The following SDCBP variants were observed in gnomAD, a reference collection of about 807,000 sequenced individuals.
The protein encoded by SDCBP is syndecan binding protein.
A neutral mutation model predicts 30.5 loss-of-function variants in SDCBP; 22 were observed. The observed-to-expected ratio is 0.72, with a 90% CI of 0.52 to 1.03. The LOEUF is 1.03. Among genes scored for constraint, SDCBP ranks in the 50% least tolerant of loss-of-function variants. SDCBP has a pLI of 0.00. For missense variants in SDCBP, 304 were observed against 369.9 expected, an observed-to-expected ratio of 0.82 and a Z score of 1.46; for synonymous variants, 103 against 118.7, an observed-to-expected ratio of 0.87 and a Z score of 0.86.
At chr8:58,568,964 A>G (rs2129607863) in intron 2 of SDCBP, among the ~76,000 whole-genome samples, 1 of 151,972 alleles carries the variant, frequency 6.6e-6, no homozygotes, top group Non-Finnish European at 1.5e-5. Flanking sequence ...GGTTCACTGC[A>G]GCGTCCATCC....
intron 1 of SDCBP, among the ~76,000 whole-genome samples, chr8:58,562,077 A>G (rs1432052263): frequency 6.6e-6 from 1 of 151,956 alleles, no homozygotes; most frequent in Non-Finnish European, 1.5e-5. Flanking sequence ...TATCTATTAA[A>G]AAAAAAAACA....
At position 58,576,090 on chromosome 8, in the gene SDCBP, T is replaced by C. The variant is rs749085308; in HGVS notation, c.402+29T>C. ...AGTATTTTAAATACCTATTTGAATT[T>C]GTCTAAATCTCTTACATAATAAGTG... On this transcript the variant is annotated intron_variant, in intron 5 of 8. Transcript: ENST00000260130. 4.7e-6 allele frequency: 7 copies of C among 1,504,082 alleles called. No homozygotes were observed. In the East Asian group the frequency reaches 1.4e-4, roughly 29 times the overall value. 93.2% of individuals were successfully genotyped at this position (1,504,082 alleles called of 1,614,324 possible).
At chr8:58,557,187 GTAT>G (rs1804175636) in intron 1 of SDCBP, among the ~76,000 whole-genome samples, 2 of 123,146 alleles carry the variant, frequency 1.6e-5, no homozygotes, top group South Asian at 4.7e-4. Context: ...ATATAATATA[GTAT>G]TATTATATAT....
chr8:58,578,809 C>T (rs767730978), intron 6 of SDCBP, among the ~76,000 whole-genome samples: 5 of 152,174 alleles, frequency 3.3e-5, no homozygotes, highest in African/African-American at 4.8e-5. Context: ...CTCAGTGAAA[C>T]TTCTGTTTTA....
chr8:58,570,982 A>G lies in SDCBP; in HGVS notation c.130+17A>G, dbSNP rs746050224. On this transcript the variant is annotated intron_variant, in intron 3 of 8. Transcript: ENST00000260130. ...ACGATGGAAGTAGGTTTATACTTTG[A>G]GTTCATTCTCTGTGAACAGAAATAT... The G allele has an allele frequency of 7.7e-6, 12 of 1,560,022 alleles. No individual in the cohort carries two copies. Among genetic ancestry groups the G allele is most frequent in the Non-Finnish European group, 1.1e-5 (12 of 1,132,272 alleles).
chr8:58,570,685 A>G, intron 2 of SDCBP: 1 of 480,950 alleles, frequency 2.1e-6, no homozygotes, highest in Non-Finnish European at 3.7e-6. Context: ...TAGCCTTAAA[A>G]GTATTTAGAA....
intron 1 of SDCBP, among the ~76,000 whole-genome samples, chr8:58,564,512 G>C (rs2129607617): frequency 6.6e-6 from 1 of 152,274 alleles, no homozygotes; most frequent in East Asian, 1.9e-4. Flanking sequence ...GTTAGCAGTT[G>C]ATATAGTTTC....
chr8:58,576,362 A>G (rs1005064359), intron 5 of SDCBP: 4 of 190,112 alleles, frequency 2.1e-5, no homozygotes, highest in Non-Finnish European at 4.4e-5. Flanking sequence ...AATTAAATAG[A>G]GCAGATGTGA....
chr8:58,562,247 T>TA (rs1804479298), intron 1 of SDCBP, among the ~76,000 whole-genome samples: 1 of 152,046 alleles, frequency 6.6e-6, no homozygotes, highest in Non-Finnish European at 1.5e-5. Context: ...ATGAATGGAT[T>TA]AAAAAAATAA....
chr8:58,563,335 C>T lies in SDCBP; in HGVS notation c.-15-1684C>T, dbSNP rs537456272. On this transcript the variant is annotated intron_variant, in intron 1 of 8. Transcript: ENST00000260130. ...TGTGAAAGAAGCCAGATGCAGAAGGCCACATATTCTAAGATTCTAGATTAA... is the reference window on the plus strand; with the variant it reads ...TGTGAAAGAAGCCAGATGCAGAAGGTCACATATTCTAAGATTCTAGATTAA... Among the ~76,000 whole-genome samples the T allele has an allele frequency of 3.9e-5, 6 of 152,152 alleles. No individual in the cohort carries two copies. The South Asian group carries it at 1.2e-3, about 32-fold the overall frequency.
intron 3 of SDCBP, among the ~76,000 whole-genome samples, chr8:58,571,815 G>A (rs1277596529): frequency 6.6e-6 from 1 of 152,148 alleles, no homozygotes; most frequent in African/African-American, 2.4e-5. Context: ...TAAAGTAGCT[G>A]ACTTGACAAA....
intron 6 of SDCBP, among the ~76,000 whole-genome samples, chr8:58,578,716 A>G (rs1411132817): frequency 6.6e-6 from 1 of 152,168 alleles, no homozygotes; most frequent in East Asian, 1.9e-4. Context: ...AGGGGCCTCC[A>G]TTTATTTTCT....
chr8:58,557,357 T>C (rs1363410032), intron 1 of SDCBP, among the ~76,000 whole-genome samples: 1 of 137,598 alleles, frequency 7.3e-6, no homozygotes, highest in Admixed American at 7.5e-5. Flanking sequence ...AATATATAGA[T>C]ATATAAAAAT....
In SDCBP at chr8:58,582,804, G is replaced by A. The variant is rs1805761568; in HGVS notation, c.*1064G>A. ...TTATCCTGATTTTTTTCTTCTTTTT[G>A]GTTTATGTCTATTCTAATTAAATAT... On this transcript the variant is annotated 3_prime_UTR_variant, in exon 9 of 9. Coordinates refer to ENST00000260130, the MANE Select transcript of SDCBP (RefSeq NM_005625.4). The A allele has an allele frequency of 6.6e-6, 1 of 152,386 alleles. No homozygotes were observed. The highest frequency in any genetic ancestry group is 2.1e-4 in the South Asian group (1 of 4,802). 9.4% of individuals were successfully genotyped at this position (152,386 alleles called of 1,614,324 possible).
At chr8:58,571,100 GA>G (rs889859631) in intron 3 of SDCBP, 135 bp downstream of exon 3, 11 of 558,462 alleles carry the variant, frequency 2.0e-5, no homozygotes, top group South Asian at 3.1e-5. Context: ...TTATGAATAA[GA>G]AAAAAAAGTT....
At chr8:58,572,379 C>T in intron 4 of SDCBP, 65 bp downstream of exon 4, 2 of 1,102,520 alleles carry the variant, frequency 1.8e-6, no homozygotes, top group Non-Finnish European at 2.7e-6. Context: ...TATAAGCTTT[C>T]CTCTTTGTGG....
intron 1 of SDCBP, chr8:58,561,408 A>T (rs1449776907): frequency 1.2e-5 from 2 of 169,350 alleles, no homozygotes; most frequent in Non-Finnish European, 1.3e-5. Flanking sequence ...CAATCCGAAG[A>T]CATCTACATG....
chr8:58,576,062 G>T lies in SDCBP; in HGVS notation c.402+1G>T. 6.3e-7 allele frequency: 1 copy of T among 1,599,266 alleles called. No individual in the cohort carries two copies. The highest frequency in any genetic ancestry group is 8.6e-7 in the Non-Finnish European group (1 of 1,167,474). ...ACTCAGGCTTAAATCAATAGATAAT[G>T]TAAGTATTTTAAATACCTATTTGAA... On this transcript the variant is annotated splice_donor_variant, in intron 5 of 8. Coordinates refer to ENST00000260130, the MANE Select transcript of SDCBP (RefSeq NM_005625.4). LOFTEE classifies it high-confidence loss of function.
At chr8:58,578,313 A>G (rs756642480) in intron 6 of SDCBP, 105 bp downstream of exon 6, 10 of 816,116 alleles carry the variant, frequency 1.2e-5, no homozygotes, top group African/African-American at 3.6e-5. Context: ...AAAATGATCA[A>G]ATGTTATTGA....
Sources: gnomAD v4.1 joint callset for allele counts (sites outside exome capture counted in the v4.1 genomes callset) on GRCh38, gnomAD v4.1.1 for gene constraint, MANE v1.5 for transcripts, NCBI Gene and HGNC (gene_info 2026-07-23, HGNC 2026-07-21) for gene names.